Variants in MAGI1 observed in about 807,000 individuals in gnomAD.
MAGI1 encodes the protein membrane associated guanylate kinase, WW and PDZ domain containing 1.
Under a neutral mutation model 139.9 loss-of-function variants are expected in MAGI1, and 58 were observed. The observed-to-expected ratio is 0.41, with a 90% confidence interval of 0.34 to 0.52. The LOEUF is 0.52. MAGI1 is among the 20% of genes least tolerant of loss of function. MAGI1 has a pLI of 0.12. For synonymous variants in MAGI1, 812 were observed against 737.9 expected, an observed-to-expected ratio of 1.10 and a Z score of -1.63; for missense variants, 1,874 against 1,901.6, an observed-to-expected ratio of 0.99 and a Z score of 0.27.
At chr3:65,795,696 TACACACACACACACAC>T (rs10527666) in intron 1 of MAGI1, among the ~76,000 whole-genome samples, 1 of 138,930 alleles carries the variant, frequency 7.2e-6, no homozygotes, top group Non-Finnish European at 1.5e-5. Flanking sequence ...GATGATAAGA[TACACACACACACACAC>T]ACACACACAC....
At chr3:65,573,429 TTATCACACTAATAAATTATA>T (rs1415299609) in intron 2 of MAGI1, among the ~76,000 whole-genome samples, 1 of 151,994 alleles carries the variant, frequency 6.6e-6, no homozygotes, top group Admixed American at 6.6e-5. Context: ...TTAATATAAT[TTATCACACTAATAAATTATA>T]TATCACACTA....
In MAGI1 at chr3:65,430,868, A is replaced by G. The variant is rs972268028; in HGVS notation, c.1377T>C (p.Phe459=). 1 of 1,613,236 alleles carries G rather than the reference A, an allele frequency of 6.2e-7. No homozygotes were observed. Among genetic ancestry groups the G allele is most frequent in the Non-Finnish European group, 8.5e-7 (1 of 1,179,596 alleles). The part of the protein sequence containing the change: ...REVPLQGKPF[F]TRNPSELKGK... The stretch of plus-strand genomic sequence containing the variant: ...CTTTCAACTCAGAAGGGTTTCGTGT[A>G]AAAAAGGGTTTGCCTGGATTAAAAT... The change falls in exon 11 of 23, where the codon TTT becomes TTC. Residue 459 remains phenylalanine (F), a synonymous_variant. Transcript: ENST00000402939.
chr3:65,535,787 G>A (rs1034390063), intron 2 of MAGI1, among the ~76,000 whole-genome samples: 7 of 152,174 alleles, frequency 4.6e-5, no homozygotes, highest in African/African-American at 1.7e-4. Context: ...AGATCAGTTA[G>A]GTAACCTCTA....
intron 1 of MAGI1, among the ~76,000 whole-genome samples, chr3:65,921,413 A>T (rs772046291): frequency 6.6e-6 from 1 of 151,800 alleles, no homozygotes; most frequent in Non-Finnish European, 1.5e-5. Context: ...GGTTCAAGTA[A>T]TTCTCCCATC....
At chr3:65,716,177 C>CACTG (rs1395694471) in intron 1 of MAGI1, among the ~76,000 whole-genome samples, 3 of 152,208 alleles carry the variant, frequency 2.0e-5, no homozygotes, top group African/African-American at 7.2e-5. Context: ...AGGACTGAGA[C>CACTG]ACTGTATCAG....
intron 13 of MAGI1, among the ~76,000 whole-genome samples, chr3:65,399,966 G>T (rs976720486): frequency 6.6e-6 from 1 of 152,152 alleles, no homozygotes; most frequent in African/African-American, 2.4e-5. Flanking sequence ...ATTCCATGTA[G>T]GGTGTGTAAA....
intron 1 of MAGI1, among the ~76,000 whole-genome samples, chr3:66,010,316 C>A (rs1449305769): frequency 6.6e-6 from 1 of 152,074 alleles, no homozygotes; most frequent in South Asian, 2.1e-4. Context: ...TTCTGTGGTG[C>A]CTTGGCCACT....
intron 1 of MAGI1, among the ~76,000 whole-genome samples, chr3:65,799,866 C>T (rs181351098): frequency 3.9e-5 from 6 of 152,202 alleles, no homozygotes; most frequent in East Asian, 3.9e-4. Context: ...TTGTACCCAA[C>T]GCTTTACATT....
rs1215185873 is a variant in MAGI1, at chr3:65,470,364, A to T, written c.878T>A (p.Leu293His). 3.7e-6 allele frequency: 6 copies of T among 1,613,852 alleles called. No homozygotes were observed. In the Middle Eastern group the frequency reaches 5.0e-4, roughly 133 times the overall value. Residue 293 changes from leucine to histidine, a missense_variant, in exon 5 of 23, where the codon CTT becomes CAT. By Grantham distance (99) the Leu-to-His change is moderately conservative. This residue lies in a region of MAGI1 where 648 missense variants were observed against 598.1 expected (regional missense o/e 1.08). Transcript: ENST00000402939. ...PSQKFPQYLP[L>H]SAEDNLGPLP... The stretch of plus-strand genomic sequence containing the variant: ...AGGACCTAAATTATCCTCTGCAGAA[A>T]GAGGTAGGTATTGAGGGAACTTCTG...
intron 1 of MAGI1, among the ~76,000 whole-genome samples, chr3:65,810,512 C>A (rs769272725): frequency 4.6e-5 from 7 of 152,214 alleles, no homozygotes; most frequent in Admixed American, 6.5e-5. Context: ...AACTCGTAAC[C>A]ACAACAACAA....
intron 2 of MAGI1, among the ~76,000 whole-genome samples, chr3:65,544,418 G>A (rs2079404545): frequency 6.6e-6 from 1 of 152,102 alleles, no homozygotes; most frequent in South Asian, 2.1e-4. Context: ...ACTTTTATAG[G>A]ATTTGTGCAT....
At chr3:65,986,725 T>G (rs903473927) in intron 1 of MAGI1, among the ~76,000 whole-genome samples, 1 of 152,206 alleles carries the variant, frequency 6.6e-6, no homozygotes, top group African/African-American at 2.4e-5. Flanking sequence ...TTCTTTAAGA[T>G]AGGTGTCACA....
intron 1 of MAGI1, among the ~76,000 whole-genome samples, chr3:65,900,154 T>C (rs756041903): frequency 6.6e-6 from 1 of 152,090 alleles, no homozygotes; most frequent in African/African-American, 2.4e-5. Flanking sequence ...ATAGGCAGTA[T>C]ACACCCATCG....
chr3:65,574,114 A>G (rs1218359506), intron 2 of MAGI1, among the ~76,000 whole-genome samples: 1 of 152,040 alleles, frequency 6.6e-6, no homozygotes, highest in Non-Finnish European at 1.5e-5. Flanking sequence ...TACAAGATCA[A>G]TATATAAAAA....
chr3:65,400,750 ATTT>A (rs767598706), intron 13 of MAGI1, among the ~76,000 whole-genome samples: 157 of 60,530 alleles, frequency 2.6e-3, no homozygotes, highest in East Asian at 3.6e-3. Context: ...CAAAACATTG[ATTT>A]TTTTTTTTTT....
chr3:65,968,030 T>C (rs979647097), intron 1 of MAGI1, among the ~76,000 whole-genome samples: 1 of 152,158 alleles, frequency 6.6e-6, no homozygotes, highest in African/African-American at 2.4e-5. Flanking sequence ...TGTAATGAGA[T>C]AAACCCTTGA....
intron 1 of MAGI1, among the ~76,000 whole-genome samples, chr3:65,626,617 C>T (rs1472083001): frequency 1.3e-5 from 2 of 152,170 alleles, no homozygotes; most frequent in Non-Finnish European, 2.9e-5. Context: ...AGCCACCATG[C>T]CCCACCTGGA....
In MAGI1 at chr3:65,650,962, T is replaced by C. The variant is rs182576988; in HGVS notation, c.314-28874A>G. Among the ~76,000 whole-genome samples the C allele has an allele frequency of 3.6e-3, 551 of 152,282 alleles. 6 individuals carry two copies. The highest frequency in any genetic ancestry group is 0.013 in the African/African-American group (531 of 41,554). On this transcript the variant is annotated intron_variant, in intron 1 of 22. Transcript: ENST00000402939. ...TATCTGAAAAATGCATATTTTTAGT[T>C]TTTCTTGGTGTGTATATAGTCAAAG... is the stretch of plus-strand genomic sequence containing the variant.
At chr3:65,743,111 A>G (rs1332935927) in intron 1 of MAGI1, among the ~76,000 whole-genome samples, 1 of 152,240 alleles carries the variant, frequency 6.6e-6, no homozygotes, top group Non-Finnish European at 1.5e-5. Context: ...CTAGGCATAC[A>G]AAGATGATTC....
Sources: gnomAD v4.1 joint callset for allele counts (sites outside exome capture counted in the v4.1 genomes callset) on GRCh38, gnomAD v4.1.1 for gene constraint, gnomAD v4.1.1 regional missense constraint, MANE v1.5 for transcripts, NCBI Gene and HGNC (gene_info 2026-07-23, HGNC 2026-07-21) for gene names.